Variants in TRIM14 observed in about 807,000 individuals in gnomAD.
TRIM14 encodes the protein tripartite motif containing 14.
Under a neutral mutation model 44.5 loss-of-function variants are expected in TRIM14, and 28 were observed. That is an observed-to-expected ratio of 0.63 (90% CI 0.47 to 0.86). TRIM14 has a LOEUF of 0.86. Ranked by LOEUF, TRIM14 falls within the 40% of genes least tolerant of loss-of-function variation. TRIM14 has a pLI of 0.00. For missense variants in TRIM14, 607 were observed against 611.1 expected, an observed-to-expected ratio of 0.99 and a Z score of 0.07; for synonymous variants, 299 against 269.2, an observed-to-expected ratio of 1.11 and a Z score of -1.08.
intron 2 of TRIM14, among the ~76,000 whole-genome samples, chr9:98,106,408 T>C (rs1362870520): frequency 6.6e-6 from 1 of 152,222 alleles, no homozygotes; most frequent in Non-Finnish European, 1.5e-5. Flanking sequence ...TTGTTAACAC[T>C]GAAGGAAGTG....
chr9:98,097,461 A>T (rs1587955674), intron 3 of TRIM14, among the ~76,000 whole-genome samples: 1 of 152,040 alleles, frequency 6.6e-6, no homozygotes. Flanking sequence ...ATTGTCCAGC[A>T]CCCAACCCTA....
chr9:98,092,461 T>C, intron 4 of TRIM14: 1 of 373,382 alleles, frequency 2.7e-6, no homozygotes, highest in South Asian at 2.0e-5. Context: ...CCAGGTTGCC[T>C]CCTTCCCAGC....
At chr9:98,056,581 G>A in the TRIM14 span, among the ~76,000 whole-genome samples, 1 of 152,008 alleles carries the variant, frequency 6.6e-6, no homozygotes, top group East Asian at 2.0e-4. Context: ...GAGCTTCCTC[G>A]ACCCGCCCCG....
At chr9:98,106,884 G>C (rs1393784209) in intron 2 of TRIM14, among the ~76,000 whole-genome samples, 2 of 148,166 alleles carry the variant, frequency 1.3e-5, no homozygotes, top group Non-Finnish European at 3.0e-5. Context: ...GGAGTGTAGT[G>C]GGTATGGTCA....
At chr9:98,050,066 T>C in the TRIM14 span, among the ~76,000 whole-genome samples, 7 of 152,334 alleles carry the variant, frequency 4.6e-5, no homozygotes, top group African/African-American at 7.2e-5. Context: ...TAGAAGCAAC[T>C]GGATTGCTTA....
At chr9:98,117,797 A>G (rs762046224) in intron 1 of TRIM14, among the ~76,000 whole-genome samples, 1 of 152,196 alleles carries the variant, frequency 6.6e-6, no homozygotes, top group Non-Finnish European at 1.5e-5. Context: ...TATTACTTCA[A>G]GTTGACAGTA....
At chr9:98,113,113 C>CAAAAA (rs57908629) in intron 1 of TRIM14, among the ~76,000 whole-genome samples, 19 of 39,196 alleles carry the variant, frequency 4.8e-4, no homozygotes, top group South Asian at 1.8e-3. Flanking sequence ...AACTCCATCT[C>CAAAAA]AAAAAAAAAA....
chr9:98,118,939 C>G (rs1283049925), intron 1 of TRIM14, 43 bp downstream of exon 1: 1 of 1,456,054 alleles, frequency 6.9e-7, no homozygotes, highest in East Asian at 2.8e-5. Flanking sequence ...TGGGCTGGCT[C>G]CCCCAACTCC....
the TRIM14 span, among the ~76,000 whole-genome samples, chr9:98,059,479 A>G: frequency 2.0e-5 from 3 of 152,296 alleles, no homozygotes; most frequent in Admixed American, 2.0e-4. Context: ...CAGTGGCACC[A>G]TCATAGCTCA....
At chr9:98,042,699 G>A in the TRIM14 span, among the ~76,000 whole-genome samples, 1 of 151,928 alleles carries the variant, frequency 6.6e-6, no homozygotes, top group Non-Finnish European at 1.5e-5. Context: ...GTGAAACCCC[G>A]TCTCTACTAA....
intron 2 of TRIM14, among the ~76,000 whole-genome samples, chr9:98,109,657 A>C (rs1363395802): frequency 6.6e-6 from 1 of 152,214 alleles, no homozygotes; most frequent in Admixed American, 6.5e-5. Flanking sequence ...AAGCAAAGGA[A>C]ACCGGAGCTC....
In TRIM14 at chr9:98,095,037, G is replaced by A. The variant is rs755751409; in HGVS notation, c.538-8C>T. On this transcript the variant is annotated splice_region_variant and splice_polypyrimidine_tract_variant and intron_variant, in intron 3 of 5. Transcript: ENST00000341469. This position sits in a 1 kb window ranked among gnomAD's most constrained non-coding sequence, Gnocchi z 4.1. ...CTCGGTGGCCGTGTATGCCTGTGTG[G>A]GCACACGGGGGTGAGGGTGGCTCTG... is the stretch of plus-strand genomic sequence containing the variant. 18 of 1,610,306 alleles carry A rather than the reference G, an allele frequency of 1.1e-5. No individual in the cohort carries two copies. The highest frequency in any genetic ancestry group is 2.2e-5 in the East Asian group (1 of 44,848).
downstream of TRIM14, chr9:98,083,028 T>TAATC (rs1564168134): frequency 1.2e-6 from 2 of 1,614,168 alleles, no homozygotes; most frequent in Non-Finnish European, 1.7e-6. Flanking sequence ...AATTGGTAGA[T>TAATC]AATCATGGCA....
chr9:98,061,481 T>TAAAAA, the TRIM14 span, among the ~76,000 whole-genome samples: 587 of 74,644 alleles, frequency 7.9e-3, 6 homozygotes, highest in African/African-American at 0.029. Flanking sequence ...CATCTCAAAT[T>TAAAAA]AAAAAAAAAA....
downstream of TRIM14, among the ~76,000 whole-genome samples, chr9:98,068,772 G>A (rs1307946617): frequency 6.6e-6 from 1 of 151,228 alleles, no homozygotes; most frequent in South Asian, 2.1e-4. Flanking sequence ...GGTAAGCCAT[G>A]ATTGCACCAG....
chr9:98,115,654 G>A (rs1374934659), intron 1 of TRIM14, among the ~76,000 whole-genome samples: 1 of 152,032 alleles, frequency 6.6e-6, no homozygotes, highest in African/African-American at 2.4e-5. Context: ...AAAGTGCTGG[G>A]TTTACAGGCG....
intron 1 of TRIM14, among the ~76,000 whole-genome samples, chr9:98,117,135 G>A (rs1408435476): frequency 2.0e-5 from 3 of 151,972 alleles, no homozygotes; most frequent in Non-Finnish European, 4.4e-5. Flanking sequence ...TTATTTCCTG[G>A]CTACAACAAG....
the TRIM14 span, among the ~76,000 whole-genome samples, chr9:98,063,991 C>T: frequency 7.2e-5 from 11 of 152,086 alleles, no homozygotes; most frequent in African/African-American, 2.2e-4. Flanking sequence ...TTTGGTCAAC[C>T]AGGTTATTTG....
intron 2 of TRIM14, among the ~76,000 whole-genome samples, chr9:98,102,007 C>CAAAA (rs998993291): frequency 1.7e-5 from 1 of 57,716 alleles, no homozygotes; most frequent in Non-Finnish European, 3.6e-5. Flanking sequence ...GACTTTGACT[C>CAAAA]AAAAAAAAAA....
Sources: gnomAD v4.1 joint callset for allele counts (sites outside exome capture counted in the v4.1 genomes callset) on GRCh38, gnomAD v4.1.1 for gene constraint, Gnocchi (gnomAD v3.1) non-coding constraint, MANE v1.5 for transcripts, NCBI Gene and HGNC (gene_info 2026-07-23, HGNC 2026-07-21) for gene names.